ORC5: variants seen among roughly 807,000 people sequenced by gnomAD.
ORC5 encodes the protein protein phosphatase 1, regulatory subunit 117.
In ORC5, 39 loss-of-function variants were observed where a neutral mutation model predicts 58.8. The ratio of observed to expected loss-of-function variants is 0.66; its 90% confidence interval spans 0.51 to 0.87. The LOEUF (loss-of-function observed/expected upper bound fraction) is 0.87, where lower values mean the gene tolerates loss of function less well. Among genes scored for constraint, ORC5 ranks in the 40% least tolerant of loss-of-function variants. The probability of loss-of-function intolerance (pLI) is 0.00; values close to 1 mark genes in which losing one functional copy is unlikely to be tolerated. For synonymous variants in ORC5, 218 were observed against 177.6 expected, an observed-to-expected ratio of 1.23 and a Z score of -1.81; for missense variants, 493 against 506.3, an observed-to-expected ratio of 0.97 and a Z score of 0.25.
At chr7:104,165,656 C>T (rs186478549) in intron 10 of ORC5, 4 of 177,614 alleles carry the variant, frequency 2.3e-5, no homozygotes, top group Admixed American at 6.3e-5. Flanking sequence ...TAAACGCTGA[C>T]GGAGGGCATT....
intron 12 of ORC5, among the ~76,000 whole-genome samples, chr7:104,145,226 T>C (rs1255361763): frequency 6.6e-6 from 1 of 152,214 alleles, no homozygotes; most frequent in Non-Finnish European, 1.5e-5. Flanking sequence ...TAGTCTTCTA[T>C]GGCTAAGTAT....
chr7:104,149,208 T>C (rs775298773), intron 12 of ORC5, among the ~76,000 whole-genome samples: 1 of 152,018 alleles, frequency 6.6e-6, no homozygotes, highest in Non-Finnish European at 1.5e-5. Context: ...TAAAATACAT[T>C]AAAAGAAAGG....
intron 12 of ORC5, among the ~76,000 whole-genome samples, chr7:104,137,874 A>C (rs1443412510): frequency 2.6e-5 from 4 of 152,218 alleles, no homozygotes; most frequent in Non-Finnish European, 2.9e-5. Flanking sequence ...TCGGTACAGC[A>C]AGGCAAGAAC....
intron 12 of ORC5, among the ~76,000 whole-genome samples, chr7:104,158,640 AAAC>A (rs1443589560): frequency 1.3e-5 from 2 of 152,002 alleles, no homozygotes; most frequent in African/African-American, 4.8e-5. Context: ...AAAAATAAAC[AAAC>A]AACCCCATCA....
Position 104,201,311 on chromosome 7 carries a change from CTT to C in ORC5, c.166-355_166-354del, listed in dbSNP as rs1197349492. Among the ~76,000 whole-genome samples, 7 of 152,274 alleles carry C rather than the reference CTT, an allele frequency of 4.6e-5. No homozygotes were observed. In the East Asian group the frequency reaches 7.7e-4, roughly 17 times the overall value. ...CAGCCCCTCTTCTAAGGCTACACCT[CTT>C]GTTTGGTTCCAATAACAGCTCCTTT... is the stretch of plus-strand genomic sequence containing the variant. On this transcript the variant is annotated intron_variant, in intron 2 of 13. Coordinates refer to ENST00000297431, the MANE Select transcript of ORC5 (RefSeq NM_002553.4).
chr7:104,135,480 C>CG (rs557539159), intron 13 of ORC5, among the ~76,000 whole-genome samples: 1 of 152,056 alleles, frequency 6.6e-6, no homozygotes, highest in African/African-American at 2.4e-5. Context: ...TTTATAGAGA[C>CG]GGGGGTCTCA....
At chr7:104,186,662 T>C (rs1799550101) in intron 6 of ORC5, among the ~76,000 whole-genome samples, 1 of 152,008 alleles carries the variant, frequency 6.6e-6, no homozygotes, top group Admixed American at 6.6e-5. Context: ...TTAATAAACT[T>C]TCAAGAAATA....
At chr7:104,160,468 T>G (rs1799003136) in intron 12 of ORC5, among the ~76,000 whole-genome samples, 1 of 152,200 alleles carries the variant, frequency 6.6e-6, no homozygotes, top group Non-Finnish European at 1.5e-5. Context: ...ATTGTTTTTC[T>G]GGACCATTTA....
At chr7:104,134,192 C>A (rs1422586020) in intron 13 of ORC5, among the ~76,000 whole-genome samples, 2 of 151,862 alleles carry the variant, frequency 1.3e-5, no homozygotes, top group Non-Finnish European at 2.9e-5. Context: ...GAGGCCGATG[C>A]AGGCAGATCA....
rs1405013388 is a variant in ORC5, at chr7:104,197,786, G to A, written c.380C>T (p.Ala127Val). The change falls in exon 4 of 14, where the codon GCA becomes GTA. Residue 127 changes from alanine (A) to valine (V), a missense_variant. This residue lies in a region of ORC5 where 412 missense variants were observed against 403.7 expected (regional missense o/e 1.02). Coordinates refer to ENST00000297431, the MANE Select transcript of ORC5 (RefSeq NM_002553.4). ...TGCTTCCATATCTCTTAGATACTCTGCTTTATCTAGAACCTTTAAAAAACA... is the reference window on the plus strand; with the variant it reads ...TGCTTCCATATCTCTTAGATACTCTACTTTATCTAGAACCTTTAAAAAACA... ...DQTVYIVLDK[A>V]EYLRDMEANL... 1.3e-6 allele frequency: 2 copies of A among 1,580,780 alleles called. No individual in the cohort carries two copies. Among genetic ancestry groups the A allele is most frequent in the South Asian group, 1.2e-5 (1 of 83,350 alleles).
chr7:104,188,497 G>T, intron 5 of ORC5, 116 bp from the exon 6 acceptor site: 2 of 647,234 alleles, frequency 3.1e-6, no homozygotes, highest in South Asian at 3.0e-5. Context: ...CAACAATTAA[G>T]GAATAATAAA....
intron 8 of ORC5, among the ~76,000 whole-genome samples, chr7:104,183,084 A>T (rs1444428600): frequency 6.6e-6 from 1 of 152,184 alleles, no homozygotes; most frequent in Non-Finnish European, 1.5e-5. Context: ...GCAGTATGCC[A>T]AGATTGCGCC....
chr7:104,200,980 C>A, intron 2 of ORC5, 22 bp from the exon 3 acceptor site: 1 of 1,589,640 alleles, frequency 6.3e-7, no homozygotes, highest in Non-Finnish European at 8.6e-7. Flanking sequence ...AACCAAAACA[C>A]TGTAAGTAAA....
intron 11 of ORC5, among the ~76,000 whole-genome samples, chr7:104,162,275 T>A (rs1288760919): frequency 1.3e-5 from 2 of 152,162 alleles, no homozygotes; most frequent in South Asian, 4.1e-4. Flanking sequence ...CAGGTTCAAG[T>A]GATTCTCGTA....
intron 12 of ORC5, among the ~76,000 whole-genome samples, chr7:104,155,984 A>C (rs1222190318): frequency 2.0e-5 from 3 of 151,770 alleles, no homozygotes; most frequent in Non-Finnish European, 4.4e-5. Flanking sequence ...GGTCTTCAAA[A>C]TCATAACTGA....
chr7:104,207,788 G>A (rs551135270), intron 1 of ORC5, 45 bp downstream of exon 1: 1 of 1,567,242 alleles, frequency 6.4e-7, no homozygotes, highest in South Asian at 1.1e-5. Flanking sequence ...CAAGACTACC[G>A]AAACGTCTGC....
chr7:104,146,974 A>G (rs919838359), intron 12 of ORC5, among the ~76,000 whole-genome samples: 4 of 152,222 alleles, frequency 2.6e-5, no homozygotes, highest in African/African-American at 9.6e-5. Flanking sequence ...GTGTGAATCT[A>G]TAATTACCTC....
intron 9 of ORC5, 59 bp from the exon 10 acceptor site, chr7:104,166,943 C>G: frequency 2.2e-6 from 2 of 915,832 alleles, no homozygotes; most frequent in East Asian, 2.4e-5. Context: ...TTTTAAGTAT[C>G]TCTTCTCACT....
chr7:104,154,104 T>C (rs1013172901), intron 12 of ORC5, among the ~76,000 whole-genome samples: 11 of 152,204 alleles, frequency 7.2e-5, no homozygotes, highest in East Asian at 3.9e-4. Context: ...ATTTCAAATA[T>C]AGCCATGTAA....
Sources: allele counts gnomAD v4.1 joint callset (sites outside exome capture counted in the v4.1 genomes callset), GRCh38; gene constraint gnomAD v4.1.1; regional missense constraint gnomAD v4.1.1; transcripts MANE v1.5; gene names NCBI Gene and HGNC (gene_info 2026-07-23, HGNC 2026-07-21).